TG: variants seen among roughly 807,000 people sequenced by gnomAD.
The protein encoded by TG is thyroid hormones.
TG carries 270 observed loss-of-function variants against 324.7 expected under a neutral mutation model. The ratio of observed to expected loss-of-function variants is 0.83; its 90% CI spans 0.75 to 0.92. The LOEUF (loss-of-function observed/expected upper bound fraction) is 0.92, where lower values mean the gene tolerates loss of function less well. TG is among the 40% of genes least tolerant of loss of function. TG has a pLI of 0.00. For missense variants in TG, 3,591 were observed against 3,456.4 expected, an observed-to-expected ratio of 1.04 and a Z score of -0.98; for synonymous variants, 1,401 against 1,327.0, an observed-to-expected ratio of 1.06 and a Z score of -1.21.
At chr8:133,073,155 G>T (rs1426379603) in intron 41 of TG, 2 of 152,204 alleles carry the variant, frequency 1.3e-5, no homozygotes, top group Non-Finnish European at 2.9e-5. Context: ...GAGTCACAGA[G>T]TTCTTTGGTG....
chr8:132,968,012 T>G, intron 31 of TG, 42 bp downstream of exon 31: 2 of 1,605,034 alleles, frequency 1.2e-6, no homozygotes, highest in Non-Finnish European at 1.7e-6. Flanking sequence ...ATTTCCAATG[T>G]TCTGCTGGCT....
At chr8:132,984,037 G>T (rs1831225330) in intron 35 of TG, among the ~76,000 whole-genome samples, 1 of 152,236 alleles carries the variant, frequency 6.6e-6, no homozygotes, top group Non-Finnish European at 1.5e-5. Flanking sequence ...TGCTCTAGAT[G>T]GGGGTGAGGT....
intron 40 of TG, among the ~76,000 whole-genome samples, chr8:133,023,162 C>T (rs1456797977): frequency 6.6e-6 from 1 of 152,182 alleles, no homozygotes; most frequent in African/African-American, 2.4e-5. Context: ...GTGGGGTAGG[C>T]GTCCAGCATG....
chr8:132,926,373 C>A (rs1821868513), intron 22 of TG, among the ~76,000 whole-genome samples: 1 of 152,216 alleles, frequency 6.6e-6, no homozygotes, highest in African/African-American at 2.4e-5. Flanking sequence ...AAAGGAGATT[C>A]TGCCTATGCA....
intron 18 of TG, 45 bp downstream of exon 18, chr8:132,908,385 A>C (rs766178851): frequency 6.6e-7 from 1 of 1,508,810 alleles, no homozygotes; most frequent in South Asian, 1.1e-5. Flanking sequence ...GACTCAACTC[A>C]GGGTTACGGT....
At chr8:133,032,352 T>C (rs1836717719) in intron 41 of TG, among the ~76,000 whole-genome samples, 1 of 152,188 alleles carries the variant, frequency 6.6e-6, no homozygotes, top group Non-Finnish European at 1.5e-5. Flanking sequence ...CTGCGTTGAA[T>C]TGATCCTGGA....
intron 35 of TG, among the ~76,000 whole-genome samples, chr8:132,988,064 GCACACACACACACA>G (rs35161639): frequency 4.5e-5 from 6 of 134,650 alleles, no homozygotes; most frequent in South Asian, 5.2e-4. Context: ...ACATACACAT[GCACACACACACACA>G]CACACACACA....
intron 24 of TG, 87 bp downstream of exon 24, chr8:132,933,763 C>G: frequency 1.6e-6 from 2 of 1,227,156 alleles, no homozygotes; most frequent in Non-Finnish European, 2.4e-6. Context: ...GCTGGCCAGG[C>G]GATGGAATGA....
chr8:133,088,905 A>AAAACATGC (rs58681660), intron 41 of TG, among the ~76,000 whole-genome samples: 5,471 of 152,304 alleles, frequency 0.036, 333 homozygotes, highest in African/African-American at 0.13. Flanking sequence ...TTTAGTGTAG[A>AAAACATGC]AAACATGCAA....
rs748581339 is a variant in TG at position 132,900,253 on chromosome 8, G to T, written c.3347G>T (p.Arg1116Met). 14 of 1,613,880 alleles carry T rather than the reference G, an allele frequency of 8.7e-6. No homozygotes were observed. In the African/African-American group the frequency reaches 1.5e-4, roughly 17 times the overall value. ...TTGTCTCAGACAGGAGAGTATGCCA[G>T]GCTGCAGGCATCGGGGGCTGGCACC... is the stretch of plus-strand genomic sequence containing the variant. ...PACLETGEYA[R>M]LQASGAGTWC... The change falls in exon 15 of 48, where the codon AGG (arginine) becomes ATG (methionine). Residue 1116 changes from arginine to methionine, a missense_variant. Physicochemically the swap from Arg to Met is moderately conservative, Grantham distance 91. Coordinates refer to ENST00000220616, the MANE Select transcript of TG (RefSeq NM_003235.5).
chr8:132,942,445 A>C (rs950323845), intron 26 of TG, among the ~76,000 whole-genome samples: 11 of 152,224 alleles, frequency 7.2e-5, no homozygotes, highest in Non-Finnish European at 1.6e-4. Flanking sequence ...AAATTTATGA[A>C]AAATTCTAAA....
At chr8:133,109,577 G>A (rs1164788757) in intron 43 of TG, among the ~76,000 whole-genome samples, 1 of 152,202 alleles carries the variant, frequency 6.6e-6, no homozygotes, top group Non-Finnish European at 1.5e-5. Context: ...CAAGGGCAAA[G>A]CACAGCTGGG....
chr8:133,080,156 G>C (rs1159483949), intron 41 of TG, among the ~76,000 whole-genome samples: 2 of 152,132 alleles, frequency 1.3e-5, no homozygotes, highest in Non-Finnish European at 2.9e-5. Flanking sequence ...TGAAAATCAA[G>C]AGGAAAAAAC....
chr8:133,010,907 A>G (rs1211664061), intron 35 of TG, among the ~76,000 whole-genome samples: 1 of 152,210 alleles, frequency 6.6e-6, no homozygotes, highest in Non-Finnish European at 1.5e-5. Flanking sequence ...CACAAGCTTC[A>G]CTACATACAA....
chr8:133,086,773 G>T (rs980205214), intron 41 of TG, among the ~76,000 whole-genome samples: 12 of 152,096 alleles, frequency 7.9e-5, no homozygotes, highest in Non-Finnish European at 1.8e-4. Flanking sequence ...ATCCTATGGG[G>T]AAGCTCTCAA....
chr8:132,887,140 G>A lies in TG; in HGVS notation c.1768G>A (p.Asp590Asn). 2 of 1,614,232 alleles carry A rather than the reference G, an allele frequency of 1.2e-6. No homozygotes were observed. Among genetic ancestry groups the A allele is most frequent in the East Asian group, 2.2e-5 (1 of 44,884 alleles). Residue 590 changes from aspartate to asparagine, a missense_variant, in exon 9 of 48, where the codon GAT becomes AAT. Transcript: ENST00000220616. Reference protein sequence around the residue: ...FLQHAISVPEDVARDLGDVME... With the variant: ...FLQHAISVPENVARDLGDVME... ...GCAACATGCTATCTCTGTGCCAGAAGATGTGGCAAGAGATTTAGGTGATGT... is the reference window on the plus strand; with the variant it reads ...GCAACATGCTATCTCTGTGCCAGAAAATGTGGCAAGAGATTTAGGTGATGT...
chr8:133,028,950 G>A (rs531928753), intron 40 of TG, among the ~76,000 whole-genome samples: 20 of 152,232 alleles, frequency 1.3e-4, no homozygotes, highest in Non-Finnish European at 2.2e-4. Flanking sequence ...GGGCTGGGCC[G>A]CTGACACACA....
At chr8:132,960,637 T>A (rs2130332384) in intron 27 of TG, among the ~76,000 whole-genome samples, 1 of 152,324 alleles carries the variant, frequency 6.6e-6, no homozygotes. Context: ...CATTTACCAA[T>A]GAGGCAAGAG....
At chr8:133,036,671 C>A (rs1837174784) in intron 41 of TG, 1 of 152,568 alleles carries the variant, frequency 6.6e-6, no homozygotes, top group African/African-American at 2.4e-5. Flanking sequence ...AAATTTGAAA[C>A]CCACTGAGCT....
Sources: gnomAD v4.1 joint callset for allele counts (sites outside exome capture counted in the v4.1 genomes callset) on GRCh38, gnomAD v4.1.1 for gene constraint, MANE v1.5 for transcripts, NCBI Gene and HGNC (gene_info 2026-07-23, HGNC 2026-07-21) for gene names.